HNRNPF: variants seen among roughly 807,000 people sequenced by gnomAD.
HNRNPF encodes the protein heterogeneous nuclear ribonucleoprotein F, also known as HnRNP F protein.
In HNRNPF, 2 loss-of-function variants were observed where a neutral mutation model predicts 26.0. That is an observed-to-expected ratio of 0.08 (90% confidence interval 0.03 to 0.24). The LOEUF is 0.24. HNRNPF is among the 10% of genes least tolerant of loss of function. HNRNPF has a pLI of 1.00. For synonymous variants in HNRNPF, 234 were observed against 211.5 expected, an observed-to-expected ratio of 1.11 and a Z score of -0.92; for missense variants, 299 against 539.2, an observed-to-expected ratio of 0.55 and a Z score of 4.41.
intron 1 of HNRNPF, among the ~76,000 whole-genome samples, chr10:43,406,894 T>G (rs533182452): frequency 1.1e-4 from 16 of 152,210 alleles, no homozygotes; most frequent in African/African-American, 3.1e-4. Context: ...TAAAGCAATC[T>G]CTCTCTTAAT....
intron 2 of HNRNPF, among the ~76,000 whole-genome samples, chr10:43,395,512 G>GT (rs1838453334): frequency 6.6e-6 from 1 of 152,168 alleles, no homozygotes; most frequent in Non-Finnish European, 1.5e-5. Context: ...TGCTGAACCT[G>GT]TTGTCTTAAC....
In HNRNPF at chr10:43,407,057, T is replaced by G. The variant is rs571970504; in HGVS notation, c.-247+2074A>C. On this transcript the variant is annotated intron_variant, in intron 1 of 3. Transcript: ENST00000682386. ...TAGGAATTCAGAGACAACCACGTAT[T>G]TAACTTTTAAAAATATAACTAAGTA... Among the ~76,000 whole-genome samples the G allele has an allele frequency of 1.4e-4, 22 of 152,270 alleles. No individual in the cohort carries two copies. In the South Asian group the frequency reaches 4.6e-3, roughly 31 times the overall value.
intron 3 of HNRNPF, among the ~76,000 whole-genome samples, chr10:43,391,095 C>T (rs1838225267): frequency 6.6e-6 from 1 of 152,080 alleles, no homozygotes; most frequent in African/African-American, 2.4e-5. Flanking sequence ...CACTTGAGAT[C>T]ATGAGTTCCA....
rs940760093 is a variant in HNRNPF, at chr10:43,387,564, G to A, written c.321C>T (p.Ser107=). 5 of 1,614,146 alleles carry A rather than the reference G, an allele frequency of 3.1e-6. No individual in the cohort carries two copies. The highest frequency in any genetic ancestry group is 2.2e-5 in the South Asian group (2 of 91,076). Residue 107 remains serine (S), a synonymous_variant, in exon 4 of 4, where the codon AGC becomes AGT. Transcript: ENST00000682386. This position sits in a 1 kb window ranked among gnomAD's most constrained non-coding sequence, Gnocchi z 6.0. Reference sequence around the variant, plus strand: ...GAAGCCGCACGAAGCCATCGTTGGCGCTGTCGGCACTGTTGGGACCACTGT... The same window carrying A: ...GAAGCCGCACGAAGCCATCGTTGGCACTGTCGGCACTGTTGGGACCACTGT... The part of the protein sequence containing the change: ...LKHSGPNSAD[S]ANDGFVRLRG...
chr10:43,386,430 G>A lies in HNRNPF; in HGVS notation c.*207C>T, dbSNP rs1838025544. ...ACTACCAAAATGTTAATTGAGAAAAGCTGAAAATAGTTTTAGTTTACTCAT... is the reference window on the plus strand; with the variant it reads ...ACTACCAAAATGTTAATTGAGAAAAACTGAAAATAGTTTTAGTTTACTCAT... On this transcript the variant is annotated 3_prime_UTR_variant, in exon 4 of 4. Coordinates refer to ENST00000682386, the MANE Select transcript of HNRNPF (RefSeq NM_001098204.2). 2.0e-6 allele frequency: 1 copy of A among 508,316 alleles called. No individual in the cohort carries two copies. Among genetic ancestry groups the A allele is most frequent in the Non-Finnish European group, 3.4e-6 (1 of 291,216 alleles). The allele number at this position is 508,316 out of a possible 1,614,324, so 31.5% of individuals were successfully genotyped here.
intron 1 of HNRNPF, among the ~76,000 whole-genome samples, chr10:43,398,960 C>T (rs1838662413): frequency 6.6e-6 from 1 of 152,182 alleles, no homozygotes; most frequent in Non-Finnish European, 1.5e-5. Context: ...AGTCCTACCT[C>T]AGAATAGTTC....
chr10:43,394,903 A>G (rs1347625113), intron 2 of HNRNPF, among the ~76,000 whole-genome samples: 1 of 152,156 alleles, frequency 6.6e-6, no homozygotes, highest in Non-Finnish European at 1.5e-5. Context: ...GAAACGCCTT[A>G]TTGATCTTGA....
intron 1 of HNRNPF, among the ~76,000 whole-genome samples, chr10:43,405,482 C>T (rs1838884625): frequency 1.3e-5 from 2 of 151,978 alleles, no homozygotes; most frequent in African/African-American, 4.8e-5. Flanking sequence ...TGATGAAACC[C>T]CGCCTCTACT....
chr10:43,400,822 GCA>G (rs1838729955), intron 1 of HNRNPF, among the ~76,000 whole-genome samples: 1 of 152,216 alleles, frequency 6.6e-6, no homozygotes, highest in African/African-American at 2.4e-5. Flanking sequence ...AAGTGGCCAG[GCA>G]CAGTGGCTCA....
intron 1 of HNRNPF, among the ~76,000 whole-genome samples, chr10:43,404,855 C>T (rs191931288): frequency 7.0e-4 from 107 of 152,236 alleles, no homozygotes; most frequent in Non-Finnish European, 1.2e-3. Context: ...CCAAAAACTA[C>T]CTCTAGAGGT....
In HNRNPF at chr10:43,387,084, A is replaced by C; in HGVS notation, c.801T>G (p.Cys267Trp). 1 of 1,613,204 alleles carries C rather than the reference A, an allele frequency of 6.2e-7. No individual in the cohort carries two copies. Among genetic ancestry groups the C allele is most frequent in the Non-Finnish European group, 8.5e-7 (1 of 1,180,012 alleles). ...ATCTGTGGTCATACATTCCGGAGAG[A>C]CAGTAGCTGAGGTCTCTCCCGAACA... Reference protein sequence around the residue: ...TDLFGRDLSYCLSGMYDHRYG... With the variant: ...TDLFGRDLSYWLSGMYDHRYG... Residue 267 changes from cysteine (C) to tryptophan (W), a missense_variant, in exon 4 of 4, where the codon TGT (cysteine) becomes TGG (tryptophan). By Grantham distance (215) the Cys-to-Trp change is radical. Transcript: ENST00000682386. This position sits in a 1 kb window ranked among gnomAD's most constrained non-coding sequence, Gnocchi z 6.0.
At chr10:43,389,161 G>A (rs1344373903) in intron 3 of HNRNPF, among the ~76,000 whole-genome samples, 5 of 151,798 alleles carry the variant, frequency 3.3e-5, no homozygotes, top group Non-Finnish European at 7.4e-5. Context: ...TAGGAGATAC[G>A]GGATTTCACC....
At chr10:43,397,625 C>G (rs1238951428) in intron 1 of HNRNPF, among the ~76,000 whole-genome samples, 1 of 152,112 alleles carries the variant, frequency 6.6e-6, no homozygotes, top group Admixed American at 6.5e-5. Flanking sequence ...CATGGACACA[C>G]GTAAAGATTT....
At chr10:43,390,261 T>C (rs1222954497) in intron 3 of HNRNPF, among the ~76,000 whole-genome samples, 2 of 152,194 alleles carry the variant, frequency 1.3e-5, no homozygotes, top group African/African-American at 2.4e-5. Context: ...GGGCTTCTTA[T>C]GCAATTCCAT....
Position 43,386,128 on chromosome 10 carries a change from T to G in HNRNPF, c.*509A>C, listed in dbSNP as rs1431021734. ...AGGAAATCACAGTACAAAGAAAGTTTTAAGTCAAGGCCTCACCAATTCCTA... is the reference window on the plus strand; with the variant it reads ...AGGAAATCACAGTACAAAGAAAGTTGTAAGTCAAGGCCTCACCAATTCCTA... On this transcript the variant is annotated 3_prime_UTR_variant, in exon 4 of 4. Coordinates refer to ENST00000682386, the MANE Select transcript of HNRNPF (RefSeq NM_001098204.2). 6.6e-6 allele frequency: 1 copy of G among 152,644 alleles called. No homozygotes were observed. The highest frequency in any genetic ancestry group is 6.5e-5 in the Admixed American group (1 of 15,270). 9.5% of individuals were successfully genotyped at this position (152,644 alleles called of 1,614,324 possible). A position where few individuals can be genotyped will look rare whatever the true frequency, so the allele number is the denominator to read the frequency against.
At chr10:43,393,553 G>A (rs555090360) in intron 3 of HNRNPF, among the ~76,000 whole-genome samples, 132 of 151,506 alleles carry the variant, frequency 8.7e-4, no homozygotes, top group Middle Eastern at 6.8e-3. Context: ...CCAATGTCGC[G>A]TCACTGCACT....
intron 1 of HNRNPF, among the ~76,000 whole-genome samples, chr10:43,401,787 C>G (rs530905857): frequency 3.9e-5 from 6 of 152,232 alleles, no homozygotes; most frequent in Non-Finnish European, 7.4e-5. Flanking sequence ...ATCCTCAGCC[C>G]CCTGAGGAAG....
intron 1 of HNRNPF, among the ~76,000 whole-genome samples, chr10:43,401,833 T>C (rs1838763502): frequency 6.6e-6 from 1 of 152,092 alleles, no homozygotes; most frequent in Admixed American, 6.6e-5. Context: ...TCCTGAAGCC[T>C]CCATGGAAAC....
At chr10:43,390,620 CATTTTACATTCCTTCCTCA>C (rs1195370412) in intron 3 of HNRNPF, among the ~76,000 whole-genome samples, 1 of 152,184 alleles carries the variant, frequency 6.6e-6, no homozygotes, top group African/African-American at 2.4e-5. Flanking sequence ...GAGCAAGTAT[CATTTTACATTCCTTCCTCA>C]CAATACATGG....
Sources: allele counts gnomAD v4.1 joint callset (sites outside exome capture counted in the v4.1 genomes callset), GRCh38; gene constraint gnomAD v4.1.1; non-coding constraint Gnocchi (gnomAD v3.1); transcripts MANE v1.5; gene names NCBI Gene and HGNC (gene_info 2026-07-23, HGNC 2026-07-21).